The following ANKRD26 variants were observed in gnomAD, a reference collection of about 807,000 sequenced individuals.
ANKRD26 encodes the protein ankyrin repeat domain-containing protein 26.
In ANKRD26, 141 loss-of-function variants were observed where a neutral mutation model predicts 208.7. The ratio of observed to expected loss-of-function variants is 0.68; its 90% CI spans 0.59 to 0.78. ANKRD26 has a LOEUF of 0.78. ANKRD26 is among the 30% of genes least tolerant of loss of function. The probability of loss-of-function intolerance (pLI) is 0.00; values close to 1 mark genes in which losing one functional copy is unlikely to be tolerated. For synonymous variants in ANKRD26, 636 were observed against 660.4 expected (o/e 0.96, Z 0.57); for missense variants, 1,889 against 1,938.7 (o/e 0.97, Z 0.48).
Position 26,978,365 on chromosome 10 carries a change from A to G in ANKRD26, c.*281+2211T>C, listed in dbSNP as rs1479045884. ...CAGCTACTGGGGAGGCTGAGCTAGGAGAATCGTTTGAACCCGGGAGGCAGA... is the reference window on the plus strand; with the variant it reads ...CAGCTACTGGGGAGGCTGAGCTAGGGGAATCGTTTGAACCCGGGAGGCAGA... On this transcript the variant is annotated intron_variant and NMD_transcript_variant, in intron 5 of 5. Coordinates refer to the ANKRD26 transcript ENST00000674670. Among the ~76,000 whole-genome samples the G allele has an allele frequency of 4.6e-5, 7 of 152,244 alleles. No homozygotes were observed. In the East Asian group the frequency reaches 1.2e-3, roughly 25 times the overall value.
Position 27,039,979 on chromosome 10 carries a change from T to C in ANKRD26, c.2361A>G (p.Glu787=). The stretch of plus-strand genomic sequence containing the variant: ...GGCTATCATACCTCAAAGAGCACAG[T>C]TCTCGTTCCCATTCAACTTTTTGAT... The part of the protein sequence containing the change: ...LEHQKVEWER[E]LCSLRFSLNQ... The change falls in exon 21 of 34, where the codon GAA becomes GAG. Residue 787 remains glutamate, a synonymous_variant. Transcript: ENST00000376087. The C allele has an allele frequency of 1.2e-6, 2 of 1,613,574 alleles. No homozygotes were observed. The highest frequency in any genetic ancestry group is 1.7e-6 in the Non-Finnish European group (2 of 1,179,776).
intron 17 of ANKRD26, among the ~76,000 whole-genome samples, chr10:27,047,701 ATACTAC>A (rs1252384073): frequency 4.0e-4 from 55 of 138,896 alleles, no homozygotes; most frequent in Non-Finnish European, 5.2e-4. Flanking sequence ...AACTGTAATA[ATACTAC>A]TACTACTACT....
Position 27,093,446 on chromosome 10 carries a change from T to C in ANKRD26, c.434A>G (p.His145Arg), listed in dbSNP as rs750199196. ...AGCATAGTGAAGAGCAGTGTTGCCATGGACATCCGCAAGATTTGGATCAGC... is the reference window on the plus strand; with the variant it reads ...AGCATAGTGAAGAGCAGTGTTGCCACGGACATCCGCAAGATTTGGATCAGC... The part of the protein sequence containing the change: ...HGADPNLADV[H>R]GNTALHYAVY... Residue 145 changes from histidine (H) to arginine (R), a missense_variant, in exon 3 of 34, where the codon CAT becomes CGT. His to Arg is a conservative substitution (Grantham distance 29). Transcript: ENST00000376087. The C allele has an allele frequency of 3.2e-5, 51 of 1,614,082 alleles. No individual in the cohort carries two copies. The highest frequency in any genetic ancestry group is 2.8e-4 in the Admixed American group (17 of 60,008).
intron 30 of ANKRD26, among the ~76,000 whole-genome samples, chr10:27,015,918 T>G: frequency 6.6e-6 from 1 of 152,106 alleles, no homozygotes; most frequent in Non-Finnish European, 1.5e-5. Context: ...TTTTTATCAC[T>G]CACTCAGACA....
chr10:27,074,410 G>T (rs1371533285), intron 9 of ANKRD26, among the ~76,000 whole-genome samples: 1 of 152,220 alleles, frequency 6.6e-6, no homozygotes, highest in Non-Finnish European at 1.5e-5. Context: ...GCTGGGCATG[G>T]TGGCTCACGG....
chr10:27,003,303 A>C (rs2052766750), downstream of ANKRD26, among the ~76,000 whole-genome samples: 1 of 152,210 alleles, frequency 6.6e-6, no homozygotes, highest in Admixed American at 6.5e-5. Context: ...TCCAGGGGGC[A>C]TCTGAACACC....
At chr10:26,957,617 G>A in the ANKRD26 span, among the ~76,000 whole-genome samples, 6 of 152,008 alleles carry the variant, frequency 3.9e-5, no homozygotes, top group East Asian at 1.9e-4. Context: ...AAAAAGAAAC[G>A]GAACATTGGA....
At chr10:27,026,942 C>T (rs2053678619) in intron 27 of ANKRD26, among the ~76,000 whole-genome samples, 1 of 152,054 alleles carries the variant, frequency 6.6e-6, no homozygotes, top group South Asian at 2.1e-4. Context: ...CCTGCCATCA[C>T]GCCTGGCTAA....
At chr10:27,072,884 C>T (rs2055556508) in intron 9 of ANKRD26, among the ~76,000 whole-genome samples, 3 of 152,186 alleles carry the variant, frequency 2.0e-5, no homozygotes, top group Non-Finnish European at 4.4e-5. Context: ...GAGTCTACAT[C>T]ATTCCCCTTC....
Position 27,035,715 on chromosome 10 carries a change from T to G in ANKRD26, c.2735A>C (p.His912Pro). ...HSHEEEKDLS[H>P]KNSMLQEEIA... Reference sequence around the variant, plus strand: ...TTCTTCCTGCAACATGCTATTTTTATGCGATAGGTCTTTTTCTTCTTCATG... The same window carrying G: ...TTCTTCCTGCAACATGCTATTTTTAGGCGATAGGTCTTTTTCTTCTTCATG... Residue 912 changes from histidine (H) to proline (P), a missense_variant, in exon 24 of 34, where the codon CAT (histidine) becomes CCT (proline). This residue lies in a region of ANKRD26 where 1,272 missense variants were observed against 1,273.8 expected (regional missense o/e 1.00). Coordinates refer to ENST00000376087, the MANE Select transcript of ANKRD26 (RefSeq NM_014915.3). 1 of 1,607,458 alleles carries G rather than the reference T, an allele frequency of 6.2e-7. No individual in the cohort carries two copies. The highest frequency in any genetic ancestry group is 8.5e-7 in the Non-Finnish European group (1 of 1,177,400).
At chr10:27,030,339 G>C (rs916622667) in intron 25 of ANKRD26, 1 of 947,396 alleles carries the variant, frequency 1.1e-6, no homozygotes, top group Non-Finnish European at 1.3e-6. Context: ...TTACTCAGTG[G>C]GCAATGACCA....
At chr10:27,005,751 C>A (rs532140279) in intron 33 of ANKRD26, 28 bp from the exon 34 acceptor site, 2 of 1,593,764 alleles carry the variant, frequency 1.3e-6, no homozygotes, top group South Asian at 1.2e-5. Context: ...GAATTATATT[C>A]CTTACCTAAA....
Position 27,077,369 on chromosome 10 carries a change from T to C in ANKRD26, c.1046A>G (p.His349Arg), listed in dbSNP as rs765509362. The C allele has an allele frequency of 3.1e-6, 5 of 1,613,866 alleles. No homozygotes were observed. The highest frequency in any genetic ancestry group is 2.7e-5 in the African/African-American group (2 of 74,900). The change falls in exon 9 of 34, where the codon CAC becomes CGC. Residue 349 changes from histidine to arginine, a missense_variant. Physicochemically the swap from His to Arg is conservative, Grantham distance 29. Transcript: ENST00000376087. ...AAGACCAGGGTTTGCTAACGACTTG[T>C]GGGAAGGTTTTGGAAGAAGGTCAGG... is the stretch of plus-strand genomic sequence containing the variant. ...QSPDLLPKPS[H>R]KSLANPGLMK...
chr10:27,088,806 A>G (rs2056204318), intron 4 of ANKRD26, among the ~76,000 whole-genome samples: 1 of 152,202 alleles, frequency 6.6e-6, no homozygotes. Flanking sequence ...GTTGAGAACA[A>G]TCCCAACTAA....
At chr10:26,991,323 G>A (rs967289403), downstream of ANKRD26, among the ~76,000 whole-genome samples, 1 of 152,160 alleles carries the variant, frequency 6.6e-6, no homozygotes, top group East Asian at 1.9e-4. Flanking sequence ...ATTGTAGGAG[G>A]TTTATTTGCC....
At chr10:26,999,761 G>A (rs1169947232), downstream of ANKRD26, among the ~76,000 whole-genome samples, 2 of 149,082 alleles carry the variant, frequency 1.3e-5, no homozygotes, top group Non-Finnish European at 3.0e-5. Context: ...TAGGCTAGAG[G>A]GGTTCAGAAT....
chr10:27,019,804 A>AT (rs2053425996), intron 29 of ANKRD26, among the ~76,000 whole-genome samples: 2 of 152,096 alleles, frequency 1.3e-5, no homozygotes, highest in Non-Finnish European at 2.9e-5. Context: ...TGTAAAATAC[A>AT]TTTTTTCTGC....
intron 3 of ANKRD26, among the ~76,000 whole-genome samples, chr10:26,984,041 C>T (rs2052348202): frequency 6.6e-6 from 1 of 152,024 alleles, no homozygotes; most frequent in African/African-American, 2.4e-5. Context: ...TCACGGGCTA[C>T]AGCAGACGGC....
At chr10:26,996,266 G>A (rs2052589440) in intron 4 of ANKRD26, among the ~76,000 whole-genome samples, 1 of 151,960 alleles carries the variant, frequency 6.6e-6, no homozygotes, top group African/African-American at 2.4e-5. Flanking sequence ...GGGAAATATA[G>A]TGAGAAAAAA....
Sources: gnomAD v4.1 joint callset for allele counts (sites outside exome capture counted in the v4.1 genomes callset) on GRCh38, gnomAD v4.1.1 for gene constraint, gnomAD v4.1.1 regional missense constraint, MANE v1.5 for transcripts, NCBI Gene and HGNC (gene_info 2026-07-23, HGNC 2026-07-21) for gene names.